Variants in NGEF observed in about 807,000 individuals in gnomAD.
NGEF encodes the protein neuronal guanine nucleotide exchange factor.
In NGEF, 31 loss-of-function variants were observed where a neutral mutation model predicts 80.9. The ratio of observed to expected loss-of-function variants is 0.38; its 90% confidence interval spans 0.29 to 0.52. The LOEUF is 0.52. Ranked by LOEUF, NGEF falls within the 20% of genes least tolerant of loss-of-function variation. NGEF has a pLI of 0.84. For synonymous variants in NGEF, 371 were observed against 370.2 expected, an observed-to-expected ratio of 1.00 and a Z score of -0.03; for missense variants, 709 against 926.2, an observed-to-expected ratio of 0.77 and a Z score of 3.04.
chr2:232,890,315 GC>G (rs905733187), intron 8 of NGEF, among the ~76,000 whole-genome samples: 39 of 151,942 alleles, frequency 2.6e-4, no homozygotes, highest in Non-Finnish European at 4.9e-4. Context: ...TTTTCTGGAA[GC>G]CCCATCCCCC....
rs1691411204 is a variant in NGEF, at chr2:232,879,422, C to CCA, written c.*66_*67insTG. On this transcript the variant is annotated 3_prime_UTR_variant, in exon 15 of 15. Transcript: ENST00000264051. ...GGTGCTGGCCTGTGCTTCCCAGAGC[C>CCA]CCCCCCCCCCCACCTTCTGTCGGGG... 1 of 200,948 alleles carries CCA rather than the reference C, an allele frequency of 5.0e-6. No homozygotes were observed. The highest frequency in any genetic ancestry group is 5.2e-5 in the South Asian group (1 of 19,222). 12.4% of individuals were successfully genotyped at this position (200,948 alleles called of 1,614,324 possible).
At chr2:232,969,668 C>T (rs929244507) in intron 3 of NGEF, among the ~76,000 whole-genome samples, 2 of 151,828 alleles carry the variant, frequency 1.3e-5, no homozygotes, top group Non-Finnish European at 2.9e-5. Context: ...GCCACCACAC[C>T]TGGCTAATTT....
In NGEF at chr2:232,954,513, CAGG is replaced by C. The variant is rs562148790; in HGVS notation, c.383+15698_383+15700del. On this transcript the variant is annotated intron_variant, in intron 3 of 14. Transcript: ENST00000264051. ...GGCTGAGGCAGGCGGATCGTGAAATCAGGAGATCGAGACCATCCTGGCTAACAC... is the reference window on the plus strand; with the variant it reads ...GGCTGAGGCAGGCGGATCGTGAAATCAGATCGAGACCATCCTGGCTAACAC... Among the ~76,000 whole-genome samples, 426 of 152,152 alleles carry C rather than the reference CAGG, an allele frequency of 2.8e-3. 5 individuals are homozygous for C. The highest frequency in any genetic ancestry group is 0.019 in the East Asian group (97 of 5,160).
intron 3 of NGEF, among the ~76,000 whole-genome samples, chr2:232,933,615 C>T (rs1330016698): frequency 6.6e-6 from 1 of 152,232 alleles, no homozygotes; most frequent in East Asian, 1.9e-4. Context: ...TGTGCTGTGA[C>T]AGGTCCCTCA....
intron 1 of NGEF, among the ~76,000 whole-genome samples, chr2:233,009,623 A>G (rs1313584907): frequency 6.7e-6 from 1 of 148,760 alleles, no homozygotes; most frequent in Admixed American, 6.8e-5. Context: ...AGATGGTGAG[A>G]ACCCATCTCT....
At chr2:232,942,088 A>G (rs1224248496) in intron 3 of NGEF, among the ~76,000 whole-genome samples, 1 of 152,128 alleles carries the variant, frequency 6.6e-6, no homozygotes, top group East Asian at 1.9e-4. Flanking sequence ...TTTTCCTAAC[A>G]CCACAAGCCC....
intron 5 of NGEF, among the ~76,000 whole-genome samples, chr2:232,907,174 G>GAAA (rs1559204407): frequency 6.1e-5 from 2 of 33,036 alleles, no homozygotes; most frequent in Non-Finnish European, 1.3e-4. Context: ...AAAAAAAAAA[G>GAAA]AAAAGAAAAA....
chr2:232,963,612 G>A (rs184380205), intron 3 of NGEF, among the ~76,000 whole-genome samples: 4 of 149,924 alleles, frequency 2.7e-5, no homozygotes, highest in African/African-American at 7.6e-5. Context: ...TCAGGAGTTC[G>A]AGACCAGCCT....
At chr2:232,906,621 G>GCCA (rs1692556896) in intron 5 of NGEF, among the ~76,000 whole-genome samples, 2 of 67,554 alleles carry the variant, frequency 3.0e-5, no homozygotes, top group African/African-American at 9.6e-5. Context: ...CCTCTGCCCG[G>GCCA]CCACCCCTAC....
chr2:232,927,793 G>T, intron 3 of NGEF: 1 of 701,230 alleles, frequency 1.4e-6, no homozygotes, highest in Non-Finnish European at 2.0e-6. Context: ...AGGAGGAGTG[G>T]GGATAGGCCG....
chr2:232,881,027 A>G lies in NGEF; in HGVS notation c.1942+119T>C, dbSNP rs1691484063. On this transcript the variant is annotated intron_variant, in intron 14 of 14. Coordinates refer to ENST00000264051, the MANE Select transcript of NGEF (RefSeq NM_019850.3). ...TCCAAGCAGAATGTCTCAGGGAGCA[A>G]GAGACATGGCAGGACACCAGCCTGT... is the stretch of plus-strand genomic sequence containing the variant. The G allele has an allele frequency of 9.2e-6, 7 of 760,848 alleles. No individual in the cohort carries two copies. The South Asian group carries it at 1.1e-4, about 12-fold the overall frequency. The allele number at this position is 760,848 out of a possible 1,614,324, so 47.1% of individuals were successfully genotyped here.
intron 1 of NGEF, among the ~76,000 whole-genome samples, chr2:233,007,136 T>C (rs1695100877): frequency 1.3e-5 from 2 of 151,932 alleles, no homozygotes; most frequent in Admixed American, 6.6e-5. Flanking sequence ...CTCAGCTACT[T>C]GGGAGGCTGA....
chr2:232,879,895 G>A (rs1691434955), intron 14 of NGEF, among the ~76,000 whole-genome samples: 1 of 152,196 alleles, frequency 6.6e-6, no homozygotes, highest in South Asian at 2.1e-4. Flanking sequence ...ACGGAACAAG[G>A]CCTGCTCCGT....
At chr2:232,948,742 G>A (rs1693612938) in intron 3 of NGEF, among the ~76,000 whole-genome samples, 1 of 152,178 alleles carries the variant, frequency 6.6e-6, no homozygotes, top group African/African-American at 2.4e-5. Flanking sequence ...GTTTGGCCAG[G>A]CACAGTGGCT....
chr2:232,887,894 T>C (rs1380013527), intron 9 of NGEF, 139 bp downstream of exon 9: 4 of 736,056 alleles, frequency 5.4e-6, no homozygotes, highest in Non-Finnish European at 7.2e-6. Flanking sequence ...GTGACTCTTT[T>C]GATTGCAAAA....
At chr2:232,958,640 A>C (rs574760256) in intron 3 of NGEF, among the ~76,000 whole-genome samples, 2 of 152,296 alleles carry the variant, frequency 1.3e-5, no homozygotes, top group East Asian at 3.9e-4. Context: ...AACCTCCCGG[A>C]AAAGGAGACT....
At chr2:232,938,209 G>A (rs1693366056) in intron 3 of NGEF, among the ~76,000 whole-genome samples, 1 of 152,122 alleles carries the variant, frequency 6.6e-6, no homozygotes, top group East Asian at 1.9e-4. Context: ...TCTTTTTCCA[G>A]GCATAAGAGG....
In NGEF at chr2:232,892,856, G is replaced by T; in HGVS notation, c.1142+42C>A. ...GCCAGCACTGGTATGGCTGCCCCGG[G>T]CACCTCCCCCTGCCCCTGAGCCCCT... On this transcript the variant is annotated intron_variant, in intron 7 of 14. Coordinates refer to ENST00000264051, the MANE Select transcript of NGEF (RefSeq NM_019850.3). The surrounding 1 kb of genome is among the most constrained non-coding windows in gnomAD (Gnocchi z 4.0). 1.2e-6 allele frequency: 2 copies of T among 1,600,674 alleles called. No individual in the cohort carries two copies. Among genetic ancestry groups the T allele is most frequent in the Non-Finnish European group, 1.7e-6 (2 of 1,171,692 alleles).
chr2:232,967,104 A>G (rs371096721), intron 3 of NGEF, among the ~76,000 whole-genome samples: 3 of 151,978 alleles, frequency 2.0e-5, no homozygotes, highest in African/African-American at 4.8e-5. Context: ...CGGATCCCTC[A>G]TGTCTCTGTG....
Sources: gnomAD v4.1 joint callset for allele counts (sites outside exome capture counted in the v4.1 genomes callset) on GRCh38, gnomAD v4.1.1 for gene constraint, Gnocchi (gnomAD v3.1) non-coding constraint, MANE v1.5 for transcripts, NCBI Gene and HGNC (gene_info 2026-07-23, HGNC 2026-07-21) for gene names.